The following FYB1 variants were observed in gnomAD, a reference collection of about 807,000 sequenced individuals.
FYB1 encodes the protein FYN binding protein 1, also known as FYN-binding protein 1.
In FYB1, 41 loss-of-function variants were observed where a neutral mutation model predicts 94.1. That is an observed-to-expected ratio of 0.44 (90% CI 0.34 to 0.57). FYB1 has a LOEUF of 0.57. Ranked by LOEUF, FYB1 falls within the 20% of genes least tolerant of loss-of-function variation. The pLI is 0.02. For missense variants in FYB1, 1,050 were observed against 976.8 expected, an observed-to-expected ratio of 1.07 and a Z score of -1.00; for synonymous variants, 367 against 353.2, an observed-to-expected ratio of 1.04 and a Z score of -0.44.
chr5:39,113,520 C>T (rs1739257827), intron 16 of FYB1, among the ~76,000 whole-genome samples: 1 of 152,078 alleles, frequency 6.6e-6, no homozygotes, highest in Admixed American at 6.6e-5. Flanking sequence ...TTAATTTCTT[C>T]CCCAAATGTT....
chr5:39,252,916 A>G (rs1272663081), intron 1 of FYB1, among the ~76,000 whole-genome samples: 1 of 152,226 alleles, frequency 6.6e-6, no homozygotes, highest in Non-Finnish European at 1.5e-5. Flanking sequence ...AAATACTTAC[A>G]ACTGTGTCTG....
intron 3 of FYB1, among the ~76,000 whole-genome samples, chr5:39,143,481 G>T (rs1742367475): frequency 6.8e-6 from 1 of 146,258 alleles, no homozygotes. Flanking sequence ...GTAGTCATCT[G>T]GTCAGTGTCC....
At chr5:39,239,008 A>G (rs1016861215) in intron 1 of FYB1, among the ~76,000 whole-genome samples, 8 of 152,140 alleles carry the variant, frequency 5.3e-5, no homozygotes, top group African/African-American at 1.4e-4. Flanking sequence ...TTGATTCAAC[A>G]TATGCAAATC....
chr5:39,203,124 T>C, intron 1 of FYB1, 137 bp from the exon 2 acceptor site: 1 of 692,336 alleles, frequency 1.4e-6, no homozygotes, highest in Non-Finnish European at 2.4e-6. Flanking sequence ...GTAACATTTA[T>C]CTTCCTCTCT....
chr5:39,196,242 T>G (rs1293370788), intron 2 of FYB1, among the ~76,000 whole-genome samples: 5 of 148,812 alleles, frequency 3.4e-5, no homozygotes, highest in African/African-American at 1.2e-4. Context: ...TAGGGTTCGC[T>G]TTGTCACCCA....
rs532877384 is a variant in FYB1, at chr5:39,225,972, G to A, written c.-27-22985C>T. 6.8e-3 allele frequency among the ~76,000 whole-genome samples: 534 copies of A among 78,218 alleles called. 3 individuals are homozygous for A. The highest frequency in any genetic ancestry group is 0.041 in the South Asian group (94 of 2,316). The allele number at this position is 78,218 out of a possible 152,430, so 51.3% of individuals were successfully genotyped here. A position where few individuals can be genotyped will look rare whatever the true frequency, so the allele number is the denominator to read the frequency against. The stretch of plus-strand genomic sequence containing the variant: ...CACAGTCTGATCCAAGGCTTATTTC[G>A]TCACAGCATTTTGCCCCAGCTGCAG... On this transcript the variant is annotated intron_variant, in intron 1 of 1. Coordinates refer to the FYB1 transcript ENST00000510188.
intron 2 of FYB1, among the ~76,000 whole-genome samples, chr5:39,199,213 ATTCTT>A (rs1177235893): frequency 3.3e-5 from 5 of 152,114 alleles, no homozygotes; most frequent in Admixed American, 2.0e-4. Flanking sequence ...CAGAAATTTA[ATTCTT>A]TTCTTTATAT....
intron 2 of FYB1, among the ~76,000 whole-genome samples, chr5:39,198,053 T>C (rs1223607023): frequency 6.6e-6 from 1 of 152,230 alleles, no homozygotes; most frequent in Non-Finnish European, 1.5e-5. Context: ...AAAATTTTAA[T>C]GCTAATAAAA....
At chr5:39,130,400 C>A (rs183141994) in intron 10 of FYB1, among the ~76,000 whole-genome samples, 190 bp downstream of exon 10, 345 of 152,084 alleles carry the variant, frequency 2.3e-3, no homozygotes, top group Non-Finnish European at 3.8e-3. Flanking sequence ...TTCAATATAG[C>A]CAGAAGTGAG....
chr5:39,194,532 AAAAG>A (rs139655172), intron 2 of FYB1, among the ~76,000 whole-genome samples: 2,021 of 152,162 alleles, frequency 0.013, 52 homozygotes, highest in East Asian at 0.12. Flanking sequence ...CAAAAAATAA[AAAAG>A]AAAGACAGAA....
In FYB1 at chr5:39,106,123, G is replaced by T. The variant is rs1005394426; in HGVS notation, c.*1320C>A. ...ACAAAAGCTTCTGAAACATGGGACT[G>T]AAGTAGGCGGAGCATTATAAAAGCC... On this transcript the variant is annotated 3_prime_UTR_variant, in exon 19 of 19. Transcript: ENST00000512982. 8 of 152,202 alleles carry T rather than the reference G, an allele frequency of 5.3e-5. No homozygotes were observed. The highest frequency in any genetic ancestry group is 1.9e-4 in the African/African-American group (8 of 41,442). 9.4% of individuals were successfully genotyped at this position (152,202 alleles called of 1,614,324 possible).
intron 2 of FYB1, among the ~76,000 whole-genome samples, chr5:39,190,299 G>A (rs1218594324): frequency 1.3e-5 from 2 of 152,214 alleles, no homozygotes; most frequent in African/African-American, 4.8e-5. Flanking sequence ...AAAGAACACA[G>A]TTTAGAAGAT....
chr5:39,159,444 A>C (rs1303209053), intron 2 of FYB1, among the ~76,000 whole-genome samples: 1 of 152,212 alleles, frequency 6.6e-6, no homozygotes, highest in Non-Finnish European at 1.5e-5. Context: ...ATGGCCACAT[A>C]CAGTCATTTG....
intron 9 of FYB1, among the ~76,000 whole-genome samples, chr5:39,132,149 G>C (rs1427776048): frequency 2.0e-5 from 3 of 152,296 alleles, no homozygotes; most frequent in African/African-American, 7.2e-5. Context: ...CCTCAAAACT[G>C]CTCCCGGAGT....
chr5:39,188,955 A>G (rs1167447853), intron 2 of FYB1, among the ~76,000 whole-genome samples: 1 of 152,214 alleles, frequency 6.6e-6, no homozygotes, highest in Non-Finnish European at 1.5e-5. Flanking sequence ...CTTTGGGGAC[A>G]TTCTTATGCA....
chr5:39,264,924 G>C (rs184132866), intron 1 of FYB1, among the ~76,000 whole-genome samples: 7 of 152,242 alleles, frequency 4.6e-5, no homozygotes, highest in African/African-American at 1.7e-4. Context: ...CTCAGTGCAA[G>C]GTATTTTATT....
chr5:39,141,059 A>T, intron 4 of FYB1, 36 bp downstream of exon 4: 1 of 1,455,512 alleles, frequency 6.9e-7, no homozygotes. Context: ...ACCTGAGTTT[A>T]CAAATAAATA....
chr5:39,239,196 G>T (rs983050863), intron 1 of FYB1, among the ~76,000 whole-genome samples: 1 of 152,084 alleles, frequency 6.6e-6, no homozygotes, highest in Non-Finnish European at 1.5e-5. Context: ...CCAGCCCACA[G>T]CCAACATCAT....
At chr5:39,223,679 CTCAT>C (rs112947885), upstream of FYB1, among the ~76,000 whole-genome samples, 1,129 of 152,266 alleles carry the variant, frequency 7.4e-3, 21 homozygotes, top group African/African-American at 0.026. Context: ...CAATGAGTAG[CTCAT>C]TCTTTGTGGA....
Sources: gnomAD v4.1 joint callset for allele counts (sites outside exome capture counted in the v4.1 genomes callset) on GRCh38, gnomAD v4.1.1 for gene constraint, MANE v1.5 for transcripts, NCBI Gene and HGNC (gene_info 2026-07-23, HGNC 2026-07-21) for gene names.